DMRT1: variants seen among roughly 807,000 people sequenced by gnomAD.
DMRT1 encodes doublesex- and mab-3-related transcription factor 1.
In DMRT1, 7 loss-of-function variants were observed where a neutral mutation model predicts 32.3. That is an observed-to-expected ratio of 0.22 (90% CI 0.12 to 0.41). The LOEUF (loss-of-function observed/expected upper bound fraction) is 0.41. Ranked by LOEUF, DMRT1 falls within the 10% of genes least tolerant of loss-of-function variation. DMRT1 has a pLI of 1.00. For synonymous variants in DMRT1, 278 were observed against 206.1 expected, an observed-to-expected ratio of 1.35 and a Z score of -2.99; for missense variants, 625 against 500.5, an observed-to-expected ratio of 1.25 and a Z score of -2.37.
chr9:862,990 A>C (rs1345132742), intron 2 of DMRT1, among the ~76,000 whole-genome samples: 2 of 151,936 alleles, frequency 1.3e-5, no homozygotes, highest in Non-Finnish European at 1.5e-5. Context: ...GATTTTCCGG[A>C]TGGGCACAAT....
At chr9:861,658 T>G (rs1370327605) in intron 2 of DMRT1, among the ~76,000 whole-genome samples, 1 of 147,788 alleles carries the variant, frequency 6.8e-6, no homozygotes, top group South Asian at 2.2e-4. Flanking sequence ...GAGGGGCTCC[T>G]CACTTCCCAG....
intron 3 of DMRT1, 93 bp from the exon 4 acceptor site, chr9:916,670 C>A (rs975757511): frequency 1.3e-6 from 2 of 1,492,566 alleles, no homozygotes; most frequent in Non-Finnish European, 9.3e-7. Flanking sequence ...CTGTGCCCAG[C>A]CTGTTACCTT....
chr9:963,717 G>T (rs1819847257), intron 4 of DMRT1, among the ~76,000 whole-genome samples: 1 of 152,218 alleles, frequency 6.6e-6, no homozygotes, highest in African/African-American at 2.4e-5. Flanking sequence ...AAATGTTAGT[G>T]AGAAGGGCAG....
At chr9:879,799 C>T (rs1003726169) in intron 2 of DMRT1, among the ~76,000 whole-genome samples, 3 of 152,198 alleles carry the variant, frequency 2.0e-5, no homozygotes, top group Admixed American at 1.3e-4. Flanking sequence ...TTGGATGGCT[C>T]TTTCATCCGT....
intron 4 of DMRT1, among the ~76,000 whole-genome samples, chr9:921,268 C>G (rs192339244): frequency 2.0e-5 from 3 of 152,258 alleles, no homozygotes; most frequent in African/African-American, 7.2e-5. Context: ...TCTTGCTTCG[C>G]TTAGCTTAAA....
intron 2 of DMRT1, among the ~76,000 whole-genome samples, chr9:863,993 T>C (rs969411091): frequency 2.0e-5 from 3 of 152,094 alleles, no homozygotes; most frequent in African/African-American, 7.2e-5. Context: ...ACCAGGAAAC[T>C]ATATGAGACT....
Position 965,458 on chromosome 9 carries a change from C to T in DMRT1, c.968-2527C>T, listed in dbSNP as rs1309976121. Reference sequence around the variant, plus strand: ...ATATTCTGCATGCTTTGTGGCCCCACGTCGCAAGAGCACTTTCCAAGAAAA... The same window carrying T: ...ATATTCTGCATGCTTTGTGGCCCCATGTCGCAAGAGCACTTTCCAAGAAAA... On this transcript the variant is annotated intron_variant, in intron 4 of 4. Transcript: ENST00000382276. This position sits in a 1 kb window ranked among gnomAD's most constrained non-coding sequence, Gnocchi z 4.5. 7.9e-5 allele frequency among the ~76,000 whole-genome samples: 12 copies of T among 152,282 alleles called. No homozygotes were observed. Among genetic ancestry groups the T allele is most frequent in the South Asian group, 4.1e-4 (2 of 4,830 alleles).
At chr9:918,867 C>A (rs1290331887) in intron 4 of DMRT1, among the ~76,000 whole-genome samples, 1 of 152,132 alleles carries the variant, frequency 6.6e-6, no homozygotes, top group Non-Finnish European at 1.5e-5. Flanking sequence ...TTTTATATTG[C>A]ATGAATTTTT....
chr9:913,656 A>T (rs957780931), intron 3 of DMRT1, among the ~76,000 whole-genome samples: 1 of 150,562 alleles, frequency 6.6e-6, no homozygotes, highest in African/African-American at 2.4e-5. Flanking sequence ...GCACTTTGGG[A>T]TGCCGAGGCG....
At chr9:963,730 G>C (rs1819847501) in intron 4 of DMRT1, among the ~76,000 whole-genome samples, 1 of 152,214 alleles carries the variant, frequency 6.6e-6, no homozygotes, top group African/African-American at 2.4e-5. Context: ...AAGGGCAGCA[G>C]TTCCACTCTG....
chr9:850,429 A>G (rs551794571), intron 2 of DMRT1, among the ~76,000 whole-genome samples: 4 of 152,110 alleles, frequency 2.6e-5, no homozygotes, highest in Non-Finnish European at 5.9e-5. Flanking sequence ...GCTTATATTC[A>G]TTTTTCAGAG....
At chr9:848,909 C>T (rs1035206783) in intron 2 of DMRT1, among the ~76,000 whole-genome samples, 31 of 140,794 alleles carry the variant, frequency 2.2e-4, no homozygotes, top group African/African-American at 8.1e-4. Flanking sequence ...GATCTTTATG[C>T]TTTAAGATTT....
chr9:842,255 G>C, intron 1 of DMRT1, 63 bp downstream of exon 1: 3 of 1,174,070 alleles, frequency 2.6e-6, no homozygotes, highest in Non-Finnish European at 3.3e-6. Context: ...TTTTTTTTTA[G>C]ATGGAGTCTC....
intron 2 of DMRT1, among the ~76,000 whole-genome samples, chr9:859,868 A>AG (rs34252644): frequency 0.31 from 47,801 of 152,108 alleles, 8,293 homozygotes; most frequent in African/African-American, 0.48. Context: ...ATTGGCAGTA[A>AG]GGTTCTTAGA....
At chr9:856,403 G>A (rs7046453) in intron 2 of DMRT1, among the ~76,000 whole-genome samples, 63,798 of 151,834 alleles carry the variant, frequency 0.42, 13,570 homozygotes, top group East Asian at 0.59. Context: ...TGTACTCTTC[G>A]CTCCAGCCCT....
intron 3 of DMRT1, among the ~76,000 whole-genome samples, chr9:912,827 A>G (rs1443903163): frequency 6.6e-6 from 1 of 152,154 alleles, no homozygotes; most frequent in East Asian, 1.9e-4. Flanking sequence ...TCCAGGGCCC[A>G]GGCCACATCC....
At chr9:894,372 A>C in intron 3 of DMRT1, 177 bp downstream of exon 3, 1 of 679,078 alleles carries the variant, frequency 1.5e-6, no homozygotes, top group Non-Finnish European at 2.6e-6. Flanking sequence ...ATGTAGGCAC[A>C]ATATGCAAAA....
chr9:907,988 G>T (rs2370218), intron 3 of DMRT1, among the ~76,000 whole-genome samples: 93,105 of 152,116 alleles, frequency 0.61, 31,756 homozygotes, highest in Middle Eastern at 0.77. Flanking sequence ...ACTGATGGCA[G>T]ATGGTGAAAA....
At chr9:910,981 T>C (rs1817952222) in intron 3 of DMRT1, among the ~76,000 whole-genome samples, 1 of 152,172 alleles carries the variant, frequency 6.6e-6, no homozygotes, top group Non-Finnish European at 1.5e-5. Flanking sequence ...TTAGGAAAAC[T>C]GAGTGGCTCC....
Sources: allele counts gnomAD v4.1 joint callset (sites outside exome capture counted in the v4.1 genomes callset), GRCh38; gene constraint gnomAD v4.1.1; non-coding constraint Gnocchi (gnomAD v3.1); transcripts MANE v1.5; gene names NCBI Gene and HGNC (gene_info 2026-07-23, HGNC 2026-07-21).